Variants in FAM171A1 observed in about 807,000 individuals in gnomAD.
The protein encoded by FAM171A1 is protein FAM171A1.
FAM171A1 carries 23 observed loss-of-function variants against 74.9 expected under a neutral mutation model. The ratio of observed to expected loss-of-function variants is 0.31; its 90% CI spans 0.22 to 0.44. The LOEUF is 0.44. Ranked by LOEUF, FAM171A1 falls within the 20% of genes least tolerant of loss-of-function variation. The probability of loss-of-function intolerance (pLI) is 1.00; values close to 1 mark genes in which losing one functional copy is unlikely to be tolerated. For missense variants in FAM171A1, 1,162 were observed against 1,159.2 expected (o/e 1.00, Z -0.03); for synonymous variants, 527 against 505.7 (o/e 1.04, Z -0.57).
rs755388845 is a variant in FAM171A1 at position 15,214,505 on chromosome 10, G to A, written c.1083C>T (p.His361=). The change falls in exon 8 of 8, where the codon CAC becomes CAT. Residue 361 remains histidine (H), a synonymous_variant. Coordinates refer to ENST00000378116, the MANE Select transcript of FAM171A1 (RefSeq NM_001010924.2). The stretch of plus-strand genomic sequence containing the variant: ...CTCGGCGTGAAAACAGCAAGTTAAT[G>A]TGTGACATGGACGTGGACTGGTCTC... ...SKRDQSTSMS[H]INLLFSRRAS... is the part of the protein sequence containing the mutation. The A allele has an allele frequency of 6.2e-7, 1 of 1,614,208 alleles. No homozygotes were observed. The highest frequency in any genetic ancestry group is 8.5e-7 in the Non-Finnish European group (1 of 1,180,034).
intron 1 of FAM171A1, among the ~76,000 whole-genome samples, chr10:15,349,967 A>C (rs909305479): frequency 6.6e-6 from 1 of 152,088 alleles, no homozygotes; most frequent in African/African-American, 2.4e-5. Flanking sequence ...TGATGTTGGA[A>C]TATCTGGTTG....
At chr10:15,268,274 A>G (rs1834773818) in intron 3 of FAM171A1, among the ~76,000 whole-genome samples, 1 of 152,062 alleles carries the variant, frequency 6.6e-6, no homozygotes, top group Non-Finnish European at 1.5e-5. Flanking sequence ...CACTTTGTAA[A>G]CACTTGATTA....
At chr10:15,346,805 T>G (rs1835821410) in intron 1 of FAM171A1, among the ~76,000 whole-genome samples, 1 of 152,228 alleles carries the variant, frequency 6.6e-6, no homozygotes, top group Admixed American at 6.5e-5. Context: ...GCCATTTAAG[T>G]GATCCTCCAG....
At chr10:15,332,419 A>G (rs1222822237) in intron 1 of FAM171A1, among the ~76,000 whole-genome samples, 4 of 152,118 alleles carry the variant, frequency 2.6e-5, no homozygotes, top group Admixed American at 2.6e-4. Context: ...TAAGCCAGTG[A>G]CTTTCTATAC....
chr10:15,224,945 T>C (rs373406158), intron 5 of FAM171A1, among the ~76,000 whole-genome samples: 2 of 152,270 alleles, frequency 1.3e-5, no homozygotes, highest in East Asian at 1.9e-4. Context: ...ATATAGTTTT[T>C]CTCTCTTCCA....
chr10:15,318,332 T>G (rs566440119), intron 1 of FAM171A1, among the ~76,000 whole-genome samples: 1 of 152,318 alleles, frequency 6.6e-6, no homozygotes, highest in Non-Finnish European at 1.5e-5. Context: ...GAAGTTCTGC[T>G]TGGTCCTTCC....
At chr10:15,336,612 G>A (rs1239649731) in intron 1 of FAM171A1, among the ~76,000 whole-genome samples, 1 of 152,262 alleles carries the variant, frequency 6.6e-6, no homozygotes, top group South Asian at 2.1e-4. Context: ...ATGTGGTTGT[G>A]TCTGGCCAGA....
At chr10:15,271,068 G>A (rs868686358) in intron 3 of FAM171A1, among the ~76,000 whole-genome samples, 14 of 152,010 alleles carry the variant, frequency 9.2e-5, no homozygotes, top group Admixed American at 4.6e-4. Flanking sequence ...TCAGACGATC[G>A]GTAATAACAA....
intron 1 of FAM171A1, among the ~76,000 whole-genome samples, chr10:15,287,889 A>G (rs756386809): frequency 2.0e-5 from 3 of 152,118 alleles, no homozygotes; most frequent in South Asian, 2.1e-4. Flanking sequence ...ACTGTACCCA[A>G]TGGGTAGTCT....
At chr10:15,226,494 A>G (rs1362753273) in intron 5 of FAM171A1, among the ~76,000 whole-genome samples, 1 of 152,212 alleles carries the variant, frequency 6.6e-6, no homozygotes, top group Non-Finnish European at 1.5e-5. Context: ...ATGAGGGCAA[A>G]GAGACGTCCC....
chr10:15,372,909 C>T (rs376765311), upstream of FAM171A1, among the ~76,000 whole-genome samples: 11 of 152,208 alleles, frequency 7.2e-5, no homozygotes, highest in South Asian at 2.1e-4. Flanking sequence ...ACTAGCACTG[C>T]GGTGACCTTC....
At chr10:15,243,839 C>T (rs954935048) in intron 5 of FAM171A1, among the ~76,000 whole-genome samples, 3 of 151,446 alleles carry the variant, frequency 2.0e-5, no homozygotes, top group South Asian at 2.1e-4. Context: ...CTCTGCCTCC[C>T]GGGTTTACTT....
chr10:15,306,950 C>A (rs1390655428), intron 1 of FAM171A1, among the ~76,000 whole-genome samples: 2 of 152,198 alleles, frequency 1.3e-5, no homozygotes, highest in Non-Finnish European at 2.9e-5. Context: ...GCCATGTGCC[C>A]TTCAAAAACA....
At chr10:15,300,560 C>A (rs1050221055) in intron 1 of FAM171A1, among the ~76,000 whole-genome samples, 4 of 151,986 alleles carry the variant, frequency 2.6e-5, no homozygotes, top group African/African-American at 9.7e-5. Context: ...CTCCAAAGCA[C>A]CCTTTCCCCC....
intron 1 of FAM171A1, among the ~76,000 whole-genome samples, chr10:15,350,214 T>C (rs932489499): frequency 2.0e-5 from 3 of 152,180 alleles, no homozygotes; most frequent in Admixed American, 6.5e-5. Context: ...TTCATAAACT[T>C]AGACATCTTA....
chr10:15,235,317 A>C (rs1477230218), intron 5 of FAM171A1, among the ~76,000 whole-genome samples: 10 of 151,428 alleles, frequency 6.6e-5, no homozygotes, highest in Non-Finnish European at 1.0e-4. Context: ...AAAAAAAAAA[A>C]AAAAAAAAAA....
Position 15,228,085 on chromosome 10 carries a change from A to G in FAM171A1, c.755-7025T>C, listed in dbSNP as rs147057505. On this transcript the variant is annotated intron_variant, in intron 5 of 7. Transcript: ENST00000378116. ...TAAAGTATGAAAAACGGCCCAAAACAATGTCTAATTTGAATATGGCCTAAG... is the reference window on the plus strand; with the variant it reads ...TAAAGTATGAAAAACGGCCCAAAACGATGTCTAATTTGAATATGGCCTAAG... 5.3e-5 allele frequency among the ~76,000 whole-genome samples: 8 copies of G among 152,278 alleles called. No individual in the cohort carries two copies. In the East Asian group the frequency reaches 1.5e-3, roughly 29 times the overall value.
At chr10:15,317,232 G>A (rs1397206442) in intron 1 of FAM171A1, among the ~76,000 whole-genome samples, 5 of 152,146 alleles carry the variant, frequency 3.3e-5, no homozygotes, top group African/African-American at 4.8e-5. Flanking sequence ...AGTCATGACG[G>A]GAGAGAGACA....
chr10:15,300,406 T>A (rs1835213377), intron 1 of FAM171A1, among the ~76,000 whole-genome samples: 1 of 152,028 alleles, frequency 6.6e-6, no homozygotes, highest in Non-Finnish European at 1.5e-5. Context: ...GTCCAGAAAA[T>A]ATGGATACCA....
Sources: allele counts gnomAD v4.1 joint callset (sites outside exome capture counted in the v4.1 genomes callset), GRCh38; gene constraint gnomAD v4.1.1; transcripts MANE v1.5; gene names NCBI Gene and HGNC (gene_info 2026-07-23, HGNC 2026-07-21).